Variants in XRRA1 observed in about 807,000 individuals in gnomAD.
XRRA1 encodes X-ray radiation resistance associated 1.
In XRRA1, 69 loss-of-function variants were observed where a neutral mutation model predicts 80.2. That is an observed-to-expected ratio of 0.86 (90% CI 0.71 to 1.05). XRRA1 has a LOEUF of 1.05. Ranked by LOEUF, XRRA1 falls within the 50% of genes least tolerant of loss-of-function variation. The pLI is 0.00. For synonymous variants in XRRA1, 348 were observed against 389.9 expected, an observed-to-expected ratio of 0.89 and a Z score of 1.27; for missense variants, 967 against 976.4, an observed-to-expected ratio of 0.99 and a Z score of 0.13.
At chr11:74,847,504 G>A (rs1232478479) in intron 15 of XRRA1, among the ~76,000 whole-genome samples, 2 of 152,146 alleles carry the variant, frequency 1.3e-5, no homozygotes, top group Admixed American at 1.3e-4. Flanking sequence ...GTTTCATGCT[G>A]TTTCCTCTGT....
At chr11:74,884,622 C>G (rs2048561672) in intron 10 of XRRA1, among the ~76,000 whole-genome samples, 1 of 152,196 alleles carries the variant, frequency 6.6e-6, no homozygotes, top group Non-Finnish European at 1.5e-5. Flanking sequence ...TAGCAGGGAG[C>G]TATTCTTTCT....
rs149869977 is a variant in XRRA1, at chr11:74,947,713, T to C, written c.-73+1215A>G. Reference sequence around the variant, plus strand: ...GGTAATGAAATATCATCTGATGTTATTGCTATTTAGTGATATTTATTTTCT... The same window carrying C: ...GGTAATGAAATATCATCTGATGTTACTGCTATTTAGTGATATTTATTTTCT... On this transcript the variant is annotated intron_variant, in intron 1 of 18. Transcript: ENST00000684022. Among the ~76,000 whole-genome samples, 1,085 of 152,294 alleles carry C rather than the reference T, an allele frequency of 7.1e-3. 5 individuals carry two copies. The highest frequency in any genetic ancestry group is 0.061 in the Middle Eastern group (18 of 294).
intron 11 of XRRA1, 70 bp from the exon 12 acceptor site, chr11:74,859,353 C>CT (rs1565249936): frequency 1.3e-6 from 2 of 1,504,212 alleles, no homozygotes; most frequent in Non-Finnish European, 1.8e-6. Context: ...CCAACAGACC[C>CT]TTTCAATGGA....
At chr11:74,874,615 G>A (rs902409421) in intron 10 of XRRA1, among the ~76,000 whole-genome samples, 17 of 152,184 alleles carry the variant, frequency 1.1e-4, no homozygotes, top group African/African-American at 3.4e-4. Context: ...AATGTAGCAC[G>A]ATTGCTGTCC....
intron 14 of XRRA1, among the ~76,000 whole-genome samples, chr11:74,850,700 C>CT (rs1421486858): frequency 3.3e-5 from 5 of 152,040 alleles, no homozygotes; most frequent in Non-Finnish European, 5.9e-5. Flanking sequence ...CTTAGCTATT[C>CT]TTTTTTTTGT....
Position 74,859,289 on chromosome 11 carries a change from A to G in XRRA1, c.1045-6T>C. 1.2e-6 allele frequency: 2 copies of G among 1,600,026 alleles called. No individual in the cohort carries two copies. Among genetic ancestry groups the G allele is most frequent in the Non-Finnish European group, 1.7e-6 (2 of 1,174,354 alleles). ...AGTGAACATATCTTGGTTGTCTTAG[A>G]AAGAAGGAAAAGTCAAAATCAAAGT... is the stretch of plus-strand genomic sequence containing the variant. On this transcript the variant is annotated splice_region_variant and splice_polypyrimidine_tract_variant and intron_variant, in intron 11 of 18. Transcript: ENST00000684022.
Position 74,845,090 on chromosome 11 carries a change from G to C in XRRA1, c.1910C>G (p.Ala637Gly), listed in dbSNP as rs2037704430. The C allele has an allele frequency of 6.2e-7, 1 of 1,613,562 alleles. No individual in the cohort carries two copies. Among genetic ancestry groups the C allele is most frequent in the African/African-American group, 1.3e-5 (1 of 74,940 alleles). ...EELLTAKPDP[A>G]FIEPKGIQKN... Reference sequence around the variant, plus strand: ...TCACATACCCTTTGGCTCAATGAAGGCTGGATCAGGCTTGGCTGTCAGCAG... The same window carrying C: ...TCACATACCCTTTGGCTCAATGAAGCCTGGATCAGGCTTGGCTGTCAGCAG... The change falls in exon 16 of 19, where the codon GCC (alanine) becomes GGC (glycine). Residue 637 changes from alanine (A) to glycine (G), a missense_variant. Ala to Gly is a moderately conservative substitution (Grantham distance 60). Transcript: ENST00000684022.
At chr11:74,931,511 G>C (rs527424743) in intron 5 of XRRA1, among the ~76,000 whole-genome samples, 2 of 151,832 alleles carry the variant, frequency 1.3e-5, no homozygotes, top group South Asian at 2.1e-4. Flanking sequence ...TTTTAGTAGG[G>C]ACAAGGTTTC....
chr11:74,934,416 A>G (rs752536705), intron 4 of XRRA1, among the ~76,000 whole-genome samples: 8 of 152,230 alleles, frequency 5.3e-5, no homozygotes, highest in Non-Finnish European at 1.0e-4. Context: ...TGGGAAGACA[A>G]TGAAGAAAAA....
At chr11:74,900,522 C>T (rs1374074511) in intron 10 of XRRA1, among the ~76,000 whole-genome samples, 2 of 151,926 alleles carry the variant, frequency 1.3e-5, no homozygotes, top group South Asian at 2.1e-4. Context: ...GTGGAGGCTG[C>T]GGTGAGCCAA....
At chr11:74,871,009 G>T (rs914376531) in intron 10 of XRRA1, among the ~76,000 whole-genome samples, 2 of 152,144 alleles carry the variant, frequency 1.3e-5, no homozygotes, top group Non-Finnish European at 2.9e-5. Flanking sequence ...AAATATTTTA[G>T]TCCAGGCCAT....
At chr11:74,934,649 G>C (rs1944483585) in intron 4 of XRRA1, among the ~76,000 whole-genome samples, 1 of 152,084 alleles carries the variant, frequency 6.6e-6, no homozygotes, top group Non-Finnish European at 1.5e-5. Flanking sequence ...TGGGTAGTAG[G>C]GATTATGAAG....
At chr11:74,933,918 T>C (rs1388072053) in intron 4 of XRRA1, 46 bp from the exon 5 acceptor site, 1 of 1,531,754 alleles carries the variant, frequency 6.5e-7, no homozygotes, top group South Asian at 1.2e-5. Flanking sequence ...CCTACAAAGT[T>C]TAATTAATCT....
At chr11:74,909,489 T>C (rs1018170112) in intron 8 of XRRA1, among the ~76,000 whole-genome samples, 1 of 152,236 alleles carries the variant, frequency 6.6e-6, no homozygotes, top group Non-Finnish European at 1.5e-5. Flanking sequence ...TGGCTCTGTC[T>C]CGTCTCTTGT....
intron 8 of XRRA1, among the ~76,000 whole-genome samples, chr11:74,910,548 A>G (rs1447355209): frequency 6.6e-6 from 1 of 152,204 alleles, no homozygotes; most frequent in Non-Finnish European, 1.5e-5. Flanking sequence ...AGAATAGATG[A>G]GGTATATGAT....
rs1471233640 is a variant in XRRA1, at chr11:74,878,165, T to C, written c.1004-15144A>G. The stretch of plus-strand genomic sequence containing the variant: ...TTAATGATTGCCATTCTAACTGGTA[T>C]GAGATGGTATCTCATTGTGGTTTTG... On this transcript the variant is annotated intron_variant, in intron 10 of 18. Transcript: ENST00000684022. Among the ~76,000 whole-genome samples the C allele has an allele frequency of 2.0e-5, 3 of 151,978 alleles. No individual in the cohort carries two copies. In the East Asian group the frequency reaches 5.8e-4, roughly 29 times the overall value.
intron 8 of XRRA1, chr11:74,918,771 G>T (rs1939681845): frequency 6.6e-6 from 1 of 152,250 alleles, no homozygotes; most frequent in Admixed American, 6.5e-5. Context: ...ATTCATGAGA[G>T]ACTGGAAGGC....
chr11:74,882,044 A>T (rs1482651408), intron 10 of XRRA1, among the ~76,000 whole-genome samples: 2 of 146,100 alleles, frequency 1.4e-5, no homozygotes, highest in Non-Finnish European at 1.5e-5. Flanking sequence ...CCTGAATCTG[A>T]ACGTTGGCCT....
At chr11:74,894,179 A>G (rs924908615) in intron 10 of XRRA1, among the ~76,000 whole-genome samples, 1 of 152,216 alleles carries the variant, frequency 6.6e-6, no homozygotes, top group Non-Finnish European at 1.5e-5. Flanking sequence ...CAAGTACTGA[A>G]TGTTCTCACT....
Sources: gnomAD v4.1 joint callset for allele counts (sites outside exome capture counted in the v4.1 genomes callset) on GRCh38, gnomAD v4.1.1 for gene constraint, MANE v1.5 for transcripts, NCBI Gene and HGNC (gene_info 2026-07-23, HGNC 2026-07-21) for gene names.